SLC24A3: variants seen among roughly 807,000 people sequenced by gnomAD.
SLC24A3 encodes the protein sodium/potassium/calcium exchanger 3.
In SLC24A3, 28 loss-of-function variants were observed where a neutral mutation model predicts 75.8. That is an observed-to-expected ratio of 0.37 (90% confidence interval 0.27 to 0.51). The LOEUF (loss-of-function observed/expected upper bound fraction) is 0.51. Among genes scored for constraint, SLC24A3 ranks in the 20% least tolerant of loss-of-function variants. The pLI, the probability that SLC24A3 is intolerant of heterozygous loss-of-function variation, is 0.94. For synonymous variants in SLC24A3, 372 were observed against 334.1 expected, an observed-to-expected ratio of 1.11 and a Z score of -1.24; for missense variants, 663 against 847.8, an observed-to-expected ratio of 0.78 and a Z score of 2.71.
intron 2 of SLC24A3, among the ~76,000 whole-genome samples, chr20:19,390,701 G>C (rs1421955022): frequency 6.6e-6 from 1 of 152,182 alleles, no homozygotes; most frequent in African/African-American, 2.4e-5. Flanking sequence ...TGAATTTCCT[G>C]TATCAGCTAT....
intron 2 of SLC24A3, among the ~76,000 whole-genome samples, chr20:19,474,320 G>C (rs985426446): frequency 6.6e-6 from 1 of 152,206 alleles, no homozygotes; most frequent in African/African-American, 2.4e-5. Flanking sequence ...GAATGGTGGA[G>C]GGAGGCTTTT....
At chr20:19,343,734 GCAGAAAGA>G (rs1985328565) in intron 2 of SLC24A3, among the ~76,000 whole-genome samples, 1 of 152,176 alleles carries the variant, frequency 6.6e-6, no homozygotes, top group Non-Finnish European at 1.5e-5. Flanking sequence ...TCTAGTTGGA[GCAGAAAGA>G]GGGACTGGAA....
At chr20:19,382,236 G>T (rs772177060) in intron 2 of SLC24A3, among the ~76,000 whole-genome samples, 2 of 152,112 alleles carry the variant, frequency 1.3e-5, no homozygotes, top group Non-Finnish European at 1.5e-5. Context: ...GAGGAAAATC[G>T]CACTTCTTAT....
At position 19,679,288 on chromosome 20, in the gene SLC24A3, G is replaced by A. The variant is rs553577593; in HGVS notation, c.768-2570G>A. On this transcript the variant is annotated intron_variant, in intron 9 of 16. Coordinates refer to ENST00000328041, the MANE Select transcript of SLC24A3 (RefSeq NM_020689.4). The stretch of plus-strand genomic sequence containing the variant: ...GGCCGAGGCTGGCGGATCACTCGCG[G>A]TTAGGAGCTGGAGACCAGCCCGGCC... 1.2e-4 allele frequency among the ~76,000 whole-genome samples: 18 copies of A among 152,360 alleles called. No individual in the cohort carries two copies. The South Asian group carries it at 3.7e-3, about 32-fold the overall frequency.
intron 4 of SLC24A3, among the ~76,000 whole-genome samples, chr20:19,580,497 A>T (rs2031204143): frequency 6.6e-6 from 1 of 152,160 alleles, no homozygotes; most frequent in African/African-American, 2.4e-5. Context: ...CTCCAACCGC[A>T]TACCTCTGCC....
intron 2 of SLC24A3, among the ~76,000 whole-genome samples, chr20:19,435,507 C>A (rs1431385126): frequency 6.6e-6 from 1 of 152,160 alleles, no homozygotes; most frequent in Non-Finnish European, 1.5e-5. Context: ...TGTTAGGAAT[C>A]CAGAATGATC....
intron 15 of SLC24A3, among the ~76,000 whole-genome samples, chr20:19,701,832 A>G (rs1287867769): frequency 1.3e-5 from 2 of 152,324 alleles, no homozygotes; most frequent in African/African-American, 4.8e-5. Flanking sequence ...AGAAGAAGAA[A>G]AAAAAACCTG....
At chr20:19,591,698 C>G (rs959818603) in intron 6 of SLC24A3, among the ~76,000 whole-genome samples, 18 of 152,178 alleles carry the variant, frequency 1.2e-4, no homozygotes, top group Admixed American at 9.2e-4. Context: ...GGCAAAGGAA[C>G]TAGTTACTCA....
intron 3 of SLC24A3, among the ~76,000 whole-genome samples, chr20:19,548,156 C>T (rs935231074): frequency 3.4e-4 from 52 of 152,200 alleles, no homozygotes; most frequent in African/African-American, 1.2e-3. Flanking sequence ...CCGCGCTTCT[C>T]GGCTCTTACT....
At chr20:19,246,415 C>G (rs1315522639) in intron 1 of SLC24A3, among the ~76,000 whole-genome samples, 1 of 152,028 alleles carries the variant, frequency 6.6e-6, no homozygotes, top group Admixed American at 6.6e-5. Context: ...GATTCTTTGA[C>G]AAGCTTGATC....
intron 2 of SLC24A3, among the ~76,000 whole-genome samples, chr20:19,413,491 C>G (rs1414749488): frequency 6.6e-6 from 1 of 152,042 alleles, no homozygotes; most frequent in African/African-American, 2.4e-5. Flanking sequence ...TTGAGCTGCC[C>G]CGTTCTTTAA....
chr20:19,302,539 C>T (rs1343228910), intron 2 of SLC24A3, among the ~76,000 whole-genome samples: 1 of 152,182 alleles, frequency 6.6e-6, no homozygotes, highest in Non-Finnish European at 1.5e-5. Flanking sequence ...AAACATTGCA[C>T]ATCAAGTTGA....
intron 2 of SLC24A3, among the ~76,000 whole-genome samples, chr20:19,495,406 C>T (rs1429638104): frequency 6.6e-6 from 1 of 152,162 alleles, no homozygotes; most frequent in Non-Finnish European, 1.5e-5. Flanking sequence ...AGCTTTTAGA[C>T]ATGTTTTGTA....
At chr20:19,581,642 TACCTGTCTTTAATCATCTCAAG>T (rs2031220119) in intron 4 of SLC24A3, among the ~76,000 whole-genome samples, 1 of 152,244 alleles carries the variant, frequency 6.6e-6, no homozygotes, top group African/African-American at 2.4e-5. Context: ...TGACTATGTC[TACCTGTCTTTAATCATCTCAAG>T]AATTCTGCCA....
intron 2 of SLC24A3, among the ~76,000 whole-genome samples, chr20:19,463,017 G>C (rs139303942): frequency 6.6e-5 from 10 of 151,816 alleles, no homozygotes; most frequent in Non-Finnish European, 1.5e-4. Flanking sequence ...CACTGCCCGG[G>C]GTCTGGTCCT....
At chr20:19,300,477 A>G (rs1984168751) in intron 2 of SLC24A3, among the ~76,000 whole-genome samples, 1 of 152,196 alleles carries the variant, frequency 6.6e-6, no homozygotes, top group Non-Finnish European at 1.5e-5. Context: ...AGTGAGAACT[A>G]CCTAACTGAG....
At chr20:19,661,807 C>G (rs1041388062) in intron 7 of SLC24A3, among the ~76,000 whole-genome samples, 20 of 152,044 alleles carry the variant, frequency 1.3e-4, no homozygotes, top group African/African-American at 4.3e-4. Flanking sequence ...CCCGCGTATA[C>G]TAGGGGCTCC....
chr20:19,371,262 A>G (rs116784306), intron 2 of SLC24A3, among the ~76,000 whole-genome samples: 2,047 of 152,234 alleles, frequency 0.013, 34 homozygotes, highest in African/African-American at 0.046. Flanking sequence ...AATTCCAGGC[A>G]CTTCTGTCCA....
intron 2 of SLC24A3, among the ~76,000 whole-genome samples, chr20:19,475,643 A>G (rs1034259160): frequency 1.3e-5 from 2 of 152,244 alleles, no homozygotes; most frequent in African/African-American, 4.8e-5. Flanking sequence ...AAAAAAAGAA[A>G]TAATAAAATA....
Sources: gnomAD v4.1 joint callset for allele counts (sites outside exome capture counted in the v4.1 genomes callset) on GRCh38, gnomAD v4.1.1 for gene constraint, MANE v1.5 for transcripts, NCBI Gene and HGNC (gene_info 2026-07-23, HGNC 2026-07-21) for gene names.